The following CADPS variants were observed in gnomAD, a reference collection of about 807,000 sequenced individuals.
CADPS encodes the protein calcium-dependent secretion activator 1.
Under a neutral mutation model 167.3 loss-of-function variants are expected in CADPS, and 57 were observed. The observed-to-expected ratio is 0.34, with a 90% CI of 0.28 to 0.42. The LOEUF is 0.42. Among genes scored for constraint, CADPS ranks in the 20% least tolerant of loss-of-function variants. The probability of loss-of-function intolerance (pLI) is 1.00; values close to 1 mark genes in which losing one functional copy is unlikely to be tolerated. For missense variants in CADPS, 1,414 were observed against 1,738.1 expected, an observed-to-expected ratio of 0.81 and a Z score of 3.32; for synonymous variants, 676 against 635.3, an observed-to-expected ratio of 1.06 and a Z score of -0.96.
At chr3:62,548,077 G>C (rs1470894426) in intron 11 of CADPS, among the ~76,000 whole-genome samples, 2 of 152,140 alleles carry the variant, frequency 1.3e-5, no homozygotes, top group Non-Finnish European at 2.9e-5. Flanking sequence ...TTATGAGGTT[G>C]ATTTGAATGG....
chr3:62,657,338 C>A (rs1162860402), intron 4 of CADPS, among the ~76,000 whole-genome samples: 1 of 152,112 alleles, frequency 6.6e-6, no homozygotes, highest in Non-Finnish European at 1.5e-5. Flanking sequence ...CAGACCTCTG[C>A]CACTGACACT....
At chr3:62,661,699 G>C (rs1222514390) in intron 4 of CADPS, among the ~76,000 whole-genome samples, 1 of 152,084 alleles carries the variant, frequency 6.6e-6, no homozygotes, top group Non-Finnish European at 1.5e-5. Flanking sequence ...TAGAAAATGG[G>C]GGAACTGCAG....
chr3:62,704,120 TA>T (rs1170574211), intron 3 of CADPS, among the ~76,000 whole-genome samples: 3 of 152,176 alleles, frequency 2.0e-5, no homozygotes, highest in African/African-American at 7.2e-5. Flanking sequence ...ACTTGGAGCT[TA>T]CATTCTAGTA....
chr3:62,844,055 T>A (rs1258655847), intron 1 of CADPS, among the ~76,000 whole-genome samples: 4 of 152,182 alleles, frequency 2.6e-5, no homozygotes, highest in Admixed American at 2.6e-4. Flanking sequence ...AAGATAGGCT[T>A]TTCTCTAGAG....
intron 3 of CADPS, among the ~76,000 whole-genome samples, chr3:62,693,437 C>T (rs1384371129): frequency 2.0e-5 from 3 of 152,052 alleles, no homozygotes; most frequent in African/African-American, 4.8e-5. Context: ...GTTCTCGATA[C>T]ATATTTGATG....
chr3:62,479,379 G>A (rs988062441), intron 22 of CADPS, among the ~76,000 whole-genome samples: 3 of 152,060 alleles, frequency 2.0e-5, no homozygotes, highest in Non-Finnish European at 4.4e-5. Context: ...CCACTTCCTC[G>A]CATACCACTA....
intron 1 of CADPS, among the ~76,000 whole-genome samples, chr3:62,826,399 A>G (rs1441370745): frequency 1.3e-5 from 2 of 152,128 alleles, no homozygotes; most frequent in African/African-American, 2.4e-5. Context: ...GTGATATTGT[A>G]TGATAGCTAT....
At chr3:62,477,973 A>G (rs2061532567) in intron 23 of CADPS, 1 of 351,478 alleles carries the variant, frequency 2.8e-6, no homozygotes, top group Non-Finnish European at 5.3e-6. Context: ...TGTGCCAGAC[A>G]CTGCTAGATA....
Position 62,455,441 on chromosome 3 carries a change from T to C in CADPS, c.3637-9644A>G, listed in dbSNP as rs2058580355. Among the ~76,000 whole-genome samples, 1 of 152,170 alleles carries C rather than the reference T, an allele frequency of 6.6e-6. No homozygotes were observed. ...AGAGGTTAATCGACTTTTGAAAAGA[T>C]CCACAACTAGTGACATTATGGAGCT... On this transcript the variant is annotated intron_variant, in intron 26 of 29. Coordinates refer to ENST00000383710, the MANE Select transcript of CADPS (RefSeq NM_003716.4). The surrounding 1 kb of genome is among the most constrained non-coding windows in gnomAD (Gnocchi z 4.4).
At chr3:62,686,240 C>A (rs781210337) in intron 3 of CADPS, among the ~76,000 whole-genome samples, 1 of 151,972 alleles carries the variant, frequency 6.6e-6, no homozygotes. Flanking sequence ...AACAGAAGAA[C>A]ATTTTCGTTT....
At chr3:62,640,432 C>A (rs1468034570) in intron 6 of CADPS, among the ~76,000 whole-genome samples, 1 of 152,094 alleles carries the variant, frequency 6.6e-6, no homozygotes, top group East Asian at 1.9e-4. Flanking sequence ...CTACACTCTA[C>A]CATTAGGATG....
chr3:62,568,957 T>C (rs2080798528), intron 9 of CADPS, among the ~76,000 whole-genome samples: 1 of 152,212 alleles, frequency 6.6e-6, no homozygotes, highest in Admixed American at 6.5e-5. Flanking sequence ...TTCTGGGAGC[T>C]AAATACCAGA....
At chr3:62,435,199 T>TA (rs1198039034) in intron 28 of CADPS, among the ~76,000 whole-genome samples, 6 of 152,214 alleles carry the variant, frequency 3.9e-5, no homozygotes, top group Admixed American at 3.9e-4. Flanking sequence ...CCAGGACCCC[T>TA]ATCATTAAGG....
chr3:62,645,564 A>G (rs1579505115), intron 6 of CADPS, among the ~76,000 whole-genome samples, 158 bp downstream of exon 6: 1 of 152,216 alleles, frequency 6.6e-6, no homozygotes, highest in Non-Finnish European at 1.5e-5. Flanking sequence ...TGTGGCTGCC[A>G]AATAAAAATG....
At chr3:62,662,506 TAA>T in intron 3 of CADPS, 112 bp from the exon 4 acceptor site, 1 of 846,494 alleles carries the variant, frequency 1.2e-6, no homozygotes, top group Non-Finnish European at 1.9e-6. Context: ...ATATTTCAGT[TAA>T]AAAAAAATTC....
In CADPS at chr3:62,753,468, T is replaced by C. The variant is rs2083172102; in HGVS notation, c.861A>G (p.Glu287=). The change falls in exon 3 of 30, where the codon GAA becomes GAG. Residue 287 remains glutamate (E), a synonymous_variant. Coordinates refer to ENST00000383710, the MANE Select transcript of CADPS (RefSeq NM_003716.4). This position sits in a 1 kb window ranked among gnomAD's most constrained non-coding sequence, Gnocchi z 4.6. ...GGCAGGCATTGTAAAGGAGCTGATG[T>C]TCGAACTTCTTGATCCCAAGAATGT... ...FQNILGIKKF[E]HQLLYNACQL... 6.2e-7 allele frequency: 1 copy of C among 1,612,942 alleles called. No homozygotes were observed. Among genetic ancestry groups the C allele is most frequent in the African/African-American group, 1.3e-5 (1 of 74,920 alleles).
At chr3:62,405,595 G>A (rs1350739347) in intron 28 of CADPS, among the ~76,000 whole-genome samples, 1 of 152,134 alleles carries the variant, frequency 6.6e-6, no homozygotes, top group Non-Finnish European at 1.5e-5. Flanking sequence ...TTGCTCGGCT[G>A]CCGAAAGGAT....
chr3:62,585,507 T>C (rs1481245774), intron 7 of CADPS, among the ~76,000 whole-genome samples, 183 bp from the exon 8 acceptor site: 5 of 152,218 alleles, frequency 3.3e-5, no homozygotes, highest in Non-Finnish European at 7.3e-5. Context: ...TAAAGATTTC[T>C]GTAATTCTGT....
At chr3:62,739,262 T>A (rs1370869620) in intron 3 of CADPS, among the ~76,000 whole-genome samples, 1 of 152,152 alleles carries the variant, frequency 6.6e-6, no homozygotes, top group South Asian at 2.1e-4. Flanking sequence ...TTATCCTAGA[T>A]CAATCCATAG....
Sources: allele counts gnomAD v4.1 joint callset (sites outside exome capture counted in the v4.1 genomes callset), GRCh38; gene constraint gnomAD v4.1.1; non-coding constraint Gnocchi (gnomAD v3.1); transcripts MANE v1.5; gene names NCBI Gene and HGNC (gene_info 2026-07-23, HGNC 2026-07-21).